Variants in METTL15 observed in about 807,000 individuals in gnomAD.
METTL15 encodes the protein methyltransferase 15, mitochondrial 12S rRNA N4-cytidine.
Under a neutral mutation model 38.3 loss-of-function variants are expected in METTL15, and 34 were observed. That is an observed-to-expected ratio of 0.89 (90% confidence interval 0.68 to 1.18). The LOEUF is 1.18. Among genes scored for constraint, METTL15 ranks in the 50% most tolerant of loss-of-function variants. METTL15 has a pLI of 0.00. For synonymous variants in METTL15, 162 were observed against 170.9 expected, an observed-to-expected ratio of 0.95 and a Z score of 0.41; for missense variants, 438 against 498.4, an observed-to-expected ratio of 0.88 and a Z score of 1.15.
At chr11:28,422,427 A>G (rs1215942467) in intron 5 of METTL15, among the ~76,000 whole-genome samples, 1 of 152,088 alleles carries the variant, frequency 6.6e-6, no homozygotes, top group Non-Finnish European at 1.5e-5. Context: ...ATGTTGCTTC[A>G]CTTCAAATTA....
rs375118170 is a variant in METTL15, at chr11:28,391,712, G to A, written c.*358+29676G>A. ...CAAACCTGACAAAAACAAGAAATGG[G>A]GAAAGGATTCCCTATTTAATAAATG... On this transcript the variant is annotated intron_variant and NMD_transcript_variant, in intron 5 of 7. Coordinates refer to the METTL15 transcript ENST00000532947. Among the ~76,000 whole-genome samples, 38 of 152,182 alleles carry A rather than the reference G, an allele frequency of 2.5e-4. No homozygotes were observed. The East Asian group carries it at 7.0e-3, about 28-fold the overall frequency.
chr11:28,323,625 A>G (rs1197213752), intron 6 of METTL15, among the ~76,000 whole-genome samples: 1 of 152,170 alleles, frequency 6.6e-6, no homozygotes, highest in African/African-American at 2.4e-5. Flanking sequence ...AGGTGTTTGC[A>G]TGATTAATTT....
At chr11:28,326,397 A>G (rs534577098) in intron 6 of METTL15, among the ~76,000 whole-genome samples, 1 of 152,140 alleles carries the variant, frequency 6.6e-6, no homozygotes, top group East Asian at 1.9e-4. Context: ...AGTGACTTTC[A>G]GGAGAAAACC....
chr11:28,212,951 G>A (rs945245488), intron 4 of METTL15, among the ~76,000 whole-genome samples: 10 of 151,948 alleles, frequency 6.6e-5, no homozygotes, highest in Admixed American at 2.0e-4. Flanking sequence ...ATTTTACCAT[G>A]TGTAATTTTT....
intron 6 of METTL15, among the ~76,000 whole-genome samples, chr11:28,476,779 A>T (rs1414224886): frequency 6.6e-6 from 1 of 152,190 alleles, no homozygotes; most frequent in Non-Finnish European, 1.5e-5. Flanking sequence ...TCTATGGTGT[A>T]GCTTAGTGCT....
intron 3 of METTL15, among the ~76,000 whole-genome samples, chr11:28,140,384 G>C (rs1404536992): frequency 6.6e-6 from 1 of 152,132 alleles, no homozygotes; most frequent in African/African-American, 2.4e-5. Context: ...AGGGGTTTTT[G>C]GGGGTACTCT....
chr11:28,111,040 A>ATC (rs1485730153), intron 2 of METTL15, among the ~76,000 whole-genome samples: 2 of 152,192 alleles, frequency 1.3e-5, no homozygotes, highest in Non-Finnish European at 2.9e-5. Flanking sequence ...AGAAGAATAT[A>ATC]ATTTTCTTTA....
intron 3 of METTL15, among the ~76,000 whole-genome samples, chr11:28,149,962 T>C (rs1850023362): frequency 6.6e-6 from 1 of 151,970 alleles, no homozygotes; most frequent in Non-Finnish European, 1.5e-5. Context: ...AATTGAATAA[T>C]ATTTGATAAA....
At chr11:28,275,714 G>A (rs914852001) in intron 4 of METTL15, among the ~76,000 whole-genome samples, 1 of 150,296 alleles carries the variant, frequency 6.7e-6, no homozygotes, top group Non-Finnish European at 1.5e-5. Flanking sequence ...CAAAATACTA[G>A]CAAATAATGC....
In METTL15 at chr11:28,423,720, A is replaced by T. The variant is rs549749880; in HGVS notation, c.*359-579A>T. The stretch of plus-strand genomic sequence containing the variant: ...CATAGGCTGGGAAGGGTAGCAGGGG[A>T]ATGGAGAGTAGTAGGGATAGTTAAA... On this transcript the variant is annotated intron_variant and NMD_transcript_variant, in intron 5 of 7. Coordinates refer to the METTL15 transcript ENST00000532947. 1.6e-3 allele frequency among the ~76,000 whole-genome samples: 242 copies of T among 152,142 alleles called. 1 individual carries two copies. Among genetic ancestry groups the T allele is most frequent in the South Asian group, 5.4e-3 (26 of 4,822 alleles).
At chr11:28,145,930 G>A (rs1035998220) in intron 3 of METTL15, among the ~76,000 whole-genome samples, 4 of 151,766 alleles carry the variant, frequency 2.6e-5, no homozygotes, top group Non-Finnish European at 5.9e-5. Context: ...GCTTTTCTTC[G>A]CATCTGAATT....
chr11:28,512,975 A>G (rs1269211232), intron 6 of METTL15, among the ~76,000 whole-genome samples: 3 of 152,216 alleles, frequency 2.0e-5, no homozygotes, highest in African/African-American at 4.8e-5. Flanking sequence ...AGGAAGAGAA[A>G]GAGGAGGGAT....
chr11:28,334,456 A>C (rs537030971), downstream of METTL15, among the ~76,000 whole-genome samples: 3 of 152,076 alleles, frequency 2.0e-5, no homozygotes, highest in Non-Finnish European at 4.4e-5. Context: ...TTTGTGTAGC[A>C]GCATTCTATA....
At chr11:28,160,263 G>A (rs557903011) in intron 3 of METTL15, among the ~76,000 whole-genome samples, 3 of 151,230 alleles carry the variant, frequency 2.0e-5, no homozygotes, top group East Asian at 3.9e-4. Flanking sequence ...ATTCGTTATT[G>A]GAATATATAT....
intron 6 of METTL15, among the ~76,000 whole-genome samples, chr11:28,329,020 A>T (rs1052314449): frequency 6.6e-6 from 1 of 152,128 alleles, no homozygotes; most frequent in African/African-American, 2.4e-5. Flanking sequence ...TGTCATATCT[A>T]AGAATCTTTT....
chr11:28,420,401 A>G (rs748519677), intron 5 of METTL15, among the ~76,000 whole-genome samples: 2 of 152,176 alleles, frequency 1.3e-5, no homozygotes, highest in Non-Finnish European at 2.9e-5. Context: ...ATTTTATCCA[A>G]TGACTGTAGA....
At chr11:28,262,780 C>T (rs967278154) in intron 4 of METTL15, among the ~76,000 whole-genome samples, 3 of 149,002 alleles carry the variant, frequency 2.0e-5, no homozygotes, top group Admixed American at 6.7e-5. Flanking sequence ...AGATTAAGCA[C>T]CTTCATATTT....
At chr11:28,327,949 T>C in intron 6 of METTL15, 1 of 726,912 alleles carries the variant, frequency 1.4e-6, no homozygotes, top group Non-Finnish European at 2.1e-6. Context: ...ACCATCATTT[T>C]AATTTCTGCA....
intron 5 of METTL15, among the ~76,000 whole-genome samples, chr11:28,404,859 A>G (rs951067645): frequency 1.3e-5 from 2 of 152,162 alleles, no homozygotes; most frequent in Non-Finnish European, 2.9e-5. Flanking sequence ...AAGAAGTTGA[A>G]TAATGACCCA....
Sources: gnomAD v4.1 joint callset for allele counts (sites outside exome capture counted in the v4.1 genomes callset) on GRCh38, gnomAD v4.1.1 for gene constraint, MANE v1.5 for transcripts, NCBI Gene and HGNC (gene_info 2026-07-23, HGNC 2026-07-21) for gene names.